The following VCL variants were observed in gnomAD, a reference collection of about 807,000 sequenced individuals.
The protein encoded by VCL is epididymis luminal protein 114.
A neutral mutation model predicts 125.7 loss-of-function variants in VCL; 47 were observed. The ratio of observed to expected loss-of-function variants is 0.37; its 90% CI spans 0.30 to 0.48. VCL has a LOEUF of 0.48. Ranked by LOEUF, VCL falls within the 20% of genes least tolerant of loss-of-function variation. The probability of loss-of-function intolerance (pLI) is 0.99; values close to 1 mark genes in which losing one functional copy is unlikely to be tolerated. For missense variants in VCL, 1,069 were observed against 1,455.5 expected (o/e 0.73, Z 4.32); for synonymous variants, 458 against 514.6 (o/e 0.89, Z 1.49).
chr10:74,001,298 C>G (rs533248332), intron 1 of VCL, among the ~76,000 whole-genome samples: 1 of 152,236 alleles, frequency 6.6e-6, no homozygotes, highest in African/African-American at 2.4e-5. Flanking sequence ...GGAGGTCAAG[C>G]CTTGTCTGAT....
intron 14 of VCL, 150 bp downstream of exon 14, chr10:74,101,247 A>T: frequency 8.6e-7 from 1 of 1,165,752 alleles, no homozygotes; most frequent in Non-Finnish European, 1.2e-6. Context: ...GCACTTTGGG[A>T]GGGTGAGGCG....
intron 12 of VCL, 119 bp downstream of exon 12, chr10:74,095,974 A>T: frequency 8.1e-7 from 1 of 1,236,110 alleles, no homozygotes; most frequent in Non-Finnish European, 1.1e-6. Flanking sequence ...AAATGAAAAG[A>T]GTGTGACCAA....
At chr10:74,061,967 G>A (rs965503161) in intron 2 of VCL, among the ~76,000 whole-genome samples, 3 of 146,392 alleles carry the variant, frequency 2.0e-5, no homozygotes, top group Non-Finnish European at 4.5e-5. Flanking sequence ...GTGCAATCAC[G>A]GCCCACTGCA....
intron 1 of VCL, 120 bp downstream of exon 1, chr10:73,998,495 C>A: frequency 9.0e-7 from 1 of 1,112,952 alleles, no homozygotes; most frequent in Non-Finnish European, 1.2e-6. Context: ...GTTCCGGAGC[C>A]AGGCGCCGAG....
intron 10 of VCL, among the ~76,000 whole-genome samples, chr10:74,091,226 A>G (rs1839878786): frequency 6.6e-6 from 1 of 152,232 alleles, no homozygotes; most frequent in Non-Finnish European, 1.5e-5. Flanking sequence ...TTAGGACCTA[A>G]TGGAAGTCCA....
At chr10:74,099,769 A>G (rs1220530349) in intron 13 of VCL, among the ~76,000 whole-genome samples, 3 of 152,218 alleles carry the variant, frequency 2.0e-5, no homozygotes, top group Non-Finnish European at 4.4e-5. Flanking sequence ...GAGACCAGCT[A>G]GGGTAAAAGA....
chr10:74,115,021 C>T, intron 21 of VCL, 122 bp downstream of exon 21: 9 of 955,012 alleles, frequency 9.4e-6, no homozygotes, highest in Non-Finnish European at 1.3e-5. Flanking sequence ...ATGTGGGATG[C>T]ACTCAGACTG....
intron 15 of VCL, 127 bp downstream of exon 15, chr10:74,104,055 C>CT (rs1312874156): frequency 3.8e-5 from 35 of 929,098 alleles, no homozygotes; most frequent in Non-Finnish European, 5.7e-5. Context: ...GAGCAGTGTA[C>CT]TTGGCTCTGC....
At chr10:74,084,897 C>A (rs558618579) in intron 8 of VCL, among the ~76,000 whole-genome samples, 9 of 152,156 alleles carry the variant, frequency 5.9e-5, no homozygotes, top group Non-Finnish European at 1.2e-4. Context: ...TAGGTGTGAG[C>A]CACCATGCCC....
At chr10:74,018,192 ATATATATAT>A (rs1840593423) in intron 1 of VCL, among the ~76,000 whole-genome samples, 2 of 139,608 alleles carry the variant, frequency 1.4e-5, no homozygotes, top group Admixed American at 7.3e-5. Flanking sequence ...ATATATATAT[ATATATATAT>A]AAATACATAT....
chr10:74,078,222 T>A (rs1458407744), intron 6 of VCL, among the ~76,000 whole-genome samples: 1 of 152,172 alleles, frequency 6.6e-6, no homozygotes, highest in Non-Finnish European at 1.5e-5. Context: ...ATTCTATTAT[T>A]CAGAATTAGT....
chr10:74,108,904 G>A, intron 17 of VCL, 67 bp from the exon 18 acceptor site: 1 of 1,596,022 alleles, frequency 6.3e-7, no homozygotes, highest in Non-Finnish European at 8.6e-7. Flanking sequence ...CTTTTTAGAA[G>A]AAAGGAAAGA....
At chr10:74,018,238 T>A (rs1249260583) in intron 1 of VCL, among the ~76,000 whole-genome samples, 1 of 129,508 alleles carries the variant, frequency 7.7e-6, no homozygotes. Context: ...TTATTTTATT[T>A]TATAGAATGG....
chr10:74,100,786 G>A (rs1012589678), intron 13 of VCL, among the ~76,000 whole-genome samples, 162 bp from the exon 14 acceptor site: 11 of 152,144 alleles, frequency 7.2e-5, no homozygotes, highest in Admixed American at 2.6e-4. Context: ...ATCCATCAAG[G>A]CCAGGATTTG....
At chr10:73,998,468 C>T (rs992494505) in intron 1 of VCL, 93 bp downstream of exon 1, 13 of 1,241,532 alleles carry the variant, frequency 1.0e-5, no homozygotes, top group Non-Finnish European at 1.2e-5. Flanking sequence ...GCTCGCTGGC[C>T]GTGGCTTTCC....
chr10:74,009,077 C>T (rs547804902), intron 1 of VCL, among the ~76,000 whole-genome samples: 4 of 152,002 alleles, frequency 2.6e-5, no homozygotes, highest in Non-Finnish European at 5.9e-5. Flanking sequence ...GGAGGAAGGA[C>T]GTCCCATTGA....
At chr10:74,055,492 G>T (rs1013739083) in intron 2 of VCL, among the ~76,000 whole-genome samples, 1 of 151,246 alleles carries the variant, frequency 6.6e-6, no homozygotes, top group African/African-American at 2.4e-5. Context: ...CTATAGGCAT[G>T]CATGCTACCA....
intron 1 of VCL, among the ~76,000 whole-genome samples, chr10:74,028,918 A>G (rs888078433): frequency 1.3e-5 from 2 of 152,066 alleles, no homozygotes; most frequent in Admixed American, 1.3e-4. Context: ...TCATGCCTGT[A>G]ATCCCAGCAT....
Position 74,101,542 on chromosome 10 carries a change from G to GTTTTTT in VCL, c.2022+464_2022+469dup, listed in dbSNP as rs964739371. ...TTTTTTTTACAAGGACTATTTATTA[G>GTTTTTT]TTTTTTTTTTTTTTTTTTTTTTTTG... On this transcript the variant is annotated intron_variant, in intron 14 of 21. Coordinates refer to ENST00000211998, the MANE Select transcript of VCL (RefSeq NM_014000.3). 1.1e-3 allele frequency among the ~76,000 whole-genome samples: 99 copies of GTTTTTT among 88,124 alleles called. 2 individuals carry two copies. Among genetic ancestry groups the GTTTTTT allele is most frequent in the African/African-American group, 1.7e-3 (36 of 21,010 alleles). 57.8% of individuals were successfully genotyped at this position (88,124 alleles called of 152,430 possible). A position where few individuals can be genotyped will look rare whatever the true frequency, so the allele number is the denominator to read the frequency against.
Sources: allele counts gnomAD v4.1 joint callset (sites outside exome capture counted in the v4.1 genomes callset), GRCh38; gene constraint gnomAD v4.1.1; transcripts MANE v1.5; gene names NCBI Gene and HGNC (gene_info 2026-07-23, HGNC 2026-07-21).